Variants in PC observed in about 807,000 individuals in gnomAD.
PC encodes the protein pyruvate carboxylase, mitochondrial.
In PC, 46 loss-of-function variants were observed where a neutral mutation model predicts 107.8. That is an observed-to-expected ratio of 0.43 (90% CI 0.34 to 0.55). The LOEUF is 0.55. PC is among the 20% of genes least tolerant of loss of function. The probability of loss-of-function intolerance (pLI) is 0.04; values close to 1 mark genes in which losing one functional copy is unlikely to be tolerated. For synonymous variants in PC, 662 were observed against 684.7 expected, an observed-to-expected ratio of 0.97 and a Z score of 0.52; for missense variants, 1,241 against 1,643.1, an observed-to-expected ratio of 0.76 and a Z score of 4.23.
chr11:66,865,327 T>C (rs1946445458), intron 11 of PC, among the ~76,000 whole-genome samples: 1 of 152,246 alleles, frequency 6.6e-6, no homozygotes, highest in Non-Finnish European at 1.5e-5. Flanking sequence ...TGCCTTGGAC[T>C]CTGGAGCAAA....
In PC at chr11:66,860,026, C is replaced by T. The variant is rs748278631; in HGVS notation, c.1368+3748G>A. The T allele has an allele frequency of 1.6e-5, 26 of 1,584,254 alleles. No homozygotes were observed. The highest frequency in any genetic ancestry group is 4.0e-5 in the African/African-American group (3 of 74,198). ...CCGCCGCGGAGCCCCCCGCCCCGGCCGCAGCGCAGCTGCTCTCTGGACCTG... is the reference window on the plus strand; with the variant it reads ...CCGCCGCGGAGCCCCCCGCCCCGGCTGCAGCGCAGCTGCTCTCTGGACCTG... On this transcript the variant is annotated intron_variant, in intron 12 of 22. Coordinates refer to ENST00000393960, the MANE Select transcript of PC (RefSeq NM_001040716.2).
At chr11:66,878,042 AG>A (rs1947046266) in intron 3 of PC, among the ~76,000 whole-genome samples, 1 of 152,220 alleles carries the variant, frequency 6.6e-6, no homozygotes, top group African/African-American at 2.4e-5. Context: ...CAGAAGGGAC[AG>A]GAAGAGCTCC....
chr11:66,903,673 G>A (rs1229627160), intron 3 of PC, among the ~76,000 whole-genome samples: 4 of 145,592 alleles, frequency 2.7e-5, no homozygotes, highest in Admixed American at 2.7e-4. Context: ...ACTTCAACCT[G>A]GGAGGCGGAG....
chr11:66,901,099 C>G (rs207471988), intron 3 of PC, among the ~76,000 whole-genome samples: 1 of 152,172 alleles, frequency 6.6e-6, no homozygotes, highest in Admixed American at 6.5e-5. Flanking sequence ...GAGCTCTCAT[C>G]CCCCCTGCTT....
intron 3 of PC, among the ~76,000 whole-genome samples, chr11:66,946,551 C>T (rs954244965): frequency 1.3e-5 from 2 of 152,008 alleles, no homozygotes; most frequent in East Asian, 1.9e-4. Flanking sequence ...ACCCAGCAGG[C>T]GGAGGTTGCA....
intron 3 of PC, among the ~76,000 whole-genome samples, chr11:66,948,762 C>T (rs1318582415): frequency 6.6e-6 from 1 of 151,914 alleles, no homozygotes; most frequent in Admixed American, 6.6e-5. Flanking sequence ...ATCACCTGAG[C>T]CTAGGAGGTA....
Position 66,852,455 on chromosome 11 carries a change from G to A in PC, c.1809C>T (p.Ser603=). The A allele has an allele frequency of 6.2e-7, 1 of 1,613,796 alleles. No homozygotes were observed. The change falls in exon 15 of 23, where the codon AGC becomes AGT. Residue 603 remains serine (S), a synonymous_variant. Transcript: ENST00000393960. This position sits in a 1 kb window ranked among gnomAD's most constrained non-coding sequence, Gnocchi z 4.7. The part of the protein sequence containing the change: ...YVAHNFSKLF[S]MENWGGATFD... Reference sequence around the variant, plus strand: ...CCAGCCTACCTCCCCAGTTCTCCATGCTGAAGAGCTTGCTGAAGTTGTGGG... The same window carrying A: ...CCAGCCTACCTCCCCAGTTCTCCATACTGAAGAGCTTGCTGAAGTTGTGGG...
chr11:66,850,271 C>T lies in PC; in HGVS notation c.2667G>A (p.Glu889=), dbSNP rs1006994126. Reference sequence around the variant, plus strand: ...TGGCCTCCACATAGGCCTTCTTGACCTCCTTGAACTTGGAGCCAAGCCCCA... The same window carrying T: ...TGGCCTCCACATAGGCCTTCTTGACTTCCTTGAACTTGGAGCCAAGCCCCA... ...HSMGLGSKFK[E]VKKAYVEANQ... The change falls in exon 19 of 23, where the codon GAG becomes GAA. Residue 889 remains glutamate, a synonymous_variant. Transcript: ENST00000393960. 1.2e-6 allele frequency: 2 copies of T among 1,614,042 alleles called. No individual in the cohort carries two copies. The highest frequency in any genetic ancestry group is 2.2e-5 in the East Asian group (1 of 44,900).
intron 3 of PC, among the ~76,000 whole-genome samples, chr11:66,894,576 C>G (rs1476985973): frequency 6.6e-6 from 1 of 152,244 alleles, no homozygotes; most frequent in South Asian, 2.1e-4. Context: ...GCTGACCTCA[C>G]AGCCTGGGTC....
intron 3 of PC, among the ~76,000 whole-genome samples, chr11:66,882,391 G>A (rs1947216542): frequency 6.6e-6 from 1 of 152,190 alleles, no homozygotes; most frequent in African/African-American, 2.4e-5. Flanking sequence ...GGCAGCAGTG[G>A]GCAAGAGGCC....
chr11:66,892,358 A>G (rs148544371), intron 3 of PC, among the ~76,000 whole-genome samples: 21 of 152,250 alleles, frequency 1.4e-4, no homozygotes, highest in African/African-American at 5.1e-4. Flanking sequence ...AGCTTTTTCA[A>G]TGTGACTCAT....
At chr11:66,888,521 G>A (rs367601191) in intron 3 of PC, among the ~76,000 whole-genome samples, 2 of 152,196 alleles carry the variant, frequency 1.3e-5, no homozygotes, top group Non-Finnish European at 2.9e-5. Context: ...GAACTCCCAC[G>A]GCGATGGGGA....
intron 16 of PC, 87 bp from the exon 17 acceptor site, chr11:66,851,367 G>T: frequency 6.4e-7 from 1 of 1,570,412 alleles, no homozygotes; most frequent in Non-Finnish European, 8.6e-7. Flanking sequence ...CCACTCTATG[G>T]CCCCTGGGGA....
At chr11:66,900,145 T>C (rs1172453279) in intron 3 of PC, among the ~76,000 whole-genome samples, 1 of 151,944 alleles carries the variant, frequency 6.6e-6, no homozygotes, top group Non-Finnish European at 1.5e-5. Flanking sequence ...GCAGTTAAAT[T>C]CTGAAATCAG....
chr11:66,942,489 A>G (rs927923666), intron 3 of PC, among the ~76,000 whole-genome samples: 24 of 152,208 alleles, frequency 1.6e-4, no homozygotes, highest in African/African-American at 5.5e-4. Flanking sequence ...AGTCACAAAA[A>G]GACAAATACC....
intron 3 of PC, among the ~76,000 whole-genome samples, chr11:66,928,264 G>C (rs1413722301): frequency 6.6e-6 from 1 of 151,858 alleles, no homozygotes. Flanking sequence ...GTGGACACCT[G>C]TAGTCCCAGC....
chr11:66,871,175 T>C lies in PC; in HGVS notation c.510A>G (p.Thr170=). 6.2e-7 allele frequency: 1 copy of C among 1,613,444 alleles called. No individual in the cohort carries two copies. The highest frequency in any genetic ancestry group is 8.5e-7 in the Non-Finnish European group (1 of 1,179,498). ...IAAGVPVVPG[T]DAPITSLHEA... ...CATGCAGGGACGTGATGGGGGCATC[T>C]GTGCCAGGGACAACGGGAACACCTG... The change falls in exon 7 of 23, where the codon ACA becomes ACG. Residue 170 remains threonine (T), a synonymous_variant. Coordinates refer to ENST00000393960, the MANE Select transcript of PC (RefSeq NM_001040716.2). This position sits in a 1 kb window ranked among gnomAD's most constrained non-coding sequence, Gnocchi z 7.4.
At chr11:66,903,459 G>C (rs950003318) in intron 3 of PC, among the ~76,000 whole-genome samples, 4 of 151,624 alleles carry the variant, frequency 2.6e-5, no homozygotes, top group Admixed American at 6.6e-5. Flanking sequence ...ATATTTTTTG[G>C]CTGGGCGTGG....
intron 3 of PC, among the ~76,000 whole-genome samples, chr11:66,932,367 T>A (rs560797060): frequency 6.6e-5 from 10 of 152,266 alleles, no homozygotes; most frequent in African/African-American, 2.4e-4. Flanking sequence ...AACTGTTACA[T>A]GAGACCTGTT....
Sources: allele counts gnomAD v4.1 joint callset (sites outside exome capture counted in the v4.1 genomes callset), GRCh38; gene constraint gnomAD v4.1.1; non-coding constraint Gnocchi (gnomAD v3.1); transcripts MANE v1.5; gene names NCBI Gene and HGNC (gene_info 2026-07-23, HGNC 2026-07-21).